The following SLC5A7 variants were observed in gnomAD, a reference collection of about 807,000 sequenced individuals.
SLC5A7 encodes the protein high affinity choline transporter 1.
SLC5A7 carries 19 observed loss-of-function variants against 55.4 expected under a neutral mutation model. The observed-to-expected ratio is 0.34, with a 90% confidence interval of 0.24 to 0.50. SLC5A7 has a LOEUF of 0.50. SLC5A7 is among the 20% of genes least tolerant of loss of function. The pLI is 0.98. For missense variants in SLC5A7, 506 were observed against 705.3 expected (o/e 0.72, Z 3.20); for synonymous variants, 265 against 263.7 (o/e 1.00, Z -0.05).
Position 108,012,596 on chromosome 2 carries a change from A to G in SLC5A7, c.*1735A>G, listed in dbSNP as rs1265055782. On this transcript the variant is annotated 3_prime_UTR_variant, in exon 9 of 9. Transcript: ENST00000264047. ...TCTCATATTTTCAGTGCTTTCTCAA[A>G]ATTTGATGGTGAATATTACATTGCA... The G allele has an allele frequency of 1.3e-5, 2 of 152,244 alleles. No homozygotes were observed. Among genetic ancestry groups the G allele is most frequent in the African/African-American group, 4.8e-5 (2 of 41,552 alleles). 9.4% of individuals were successfully genotyped at this position (152,244 alleles called of 1,614,324 possible).
At chr2:108,004,074 A>G (rs1283309024) in intron 6 of SLC5A7, among the ~76,000 whole-genome samples, 1 of 152,162 alleles carries the variant, frequency 6.6e-6, no homozygotes, top group Non-Finnish European at 1.5e-5. Flanking sequence ...CCCACCTCTG[A>G]ATAGTATCAT....
chr2:108,003,860 A>G (rs766370433), intron 6 of SLC5A7, among the ~76,000 whole-genome samples: 1 of 152,200 alleles, frequency 6.6e-6, no homozygotes, highest in Non-Finnish European at 1.5e-5. Context: ...AATTTTTATA[A>G]TTCTGGAGGC....
rs966525869 is a variant in SLC5A7, at chr2:108,006,154, G to T, written c.847G>T (p.Val283Leu). The T allele has an allele frequency of 6.2e-7, 1 of 1,613,968 alleles. No individual in the cohort carries two copies. The highest frequency in any genetic ancestry group is 2.2e-5 in the East Asian group (1 of 44,852). The stretch of plus-strand genomic sequence containing the variant: ...CTTCCTGGCAGCTTTCGGGTGCCTG[G>T]TGATGGCCATCCCAGCCATACTCAT... ...LSFLAAFGCL[V>L]MAIPAILIGA... Residue 283 changes from valine (V) to leucine (L), a missense_variant, in exon 7 of 9, where the codon GTG (valine) becomes TTG (leucine). Val to Leu is a conservative substitution (Grantham distance 32). Transcript: ENST00000264047.
chr2:107,992,851 T>A lies in SLC5A7; in HGVS notation c.293-121T>A, dbSNP rs77020121. The A allele has an allele frequency of 3.0e-3, 3,014 of 1,011,862 alleles. 25 individuals are homozygous for A. Among genetic ancestry groups the A allele is most frequent in the African/African-American group, 0.023 (1,398 of 61,544 alleles). The allele number at this position is 1,011,862 out of a possible 1,614,324, so 62.7% of individuals were successfully genotyped here. A position where few individuals can be genotyped will look rare whatever the true frequency, so the allele number is the denominator to read the frequency against. ...TAGTAGGTTGGTACTGTGTGCAGAC[T>A]TGTTCCTCAATCCATACAGGTGTTC... On this transcript the variant is annotated intron_variant, in intron 3 of 8. Coordinates refer to ENST00000264047, the MANE Select transcript of SLC5A7 (RefSeq NM_021815.5).
chr2:107,991,340 T>C (rs1211084620), intron 2 of SLC5A7, among the ~76,000 whole-genome samples: 4 of 152,212 alleles, frequency 2.6e-5, no homozygotes, highest in Non-Finnish European at 4.4e-5. Flanking sequence ...ATTGCAAGTA[T>C]GTATGCAGTT....
chr2:108,007,480 CTGTGTG>C (rs55917915), intron 7 of SLC5A7, among the ~76,000 whole-genome samples: 33 of 149,776 alleles, frequency 2.2e-4, no homozygotes, highest in Non-Finnish European at 3.7e-4. Context: ...GTGTGTGTGT[CTGTGTG>C]TGTGTGTGTG....
Position 107,988,149 on chromosome 2 carries a change from G to A in SLC5A7, c.-7G>A, listed in dbSNP as rs760361489. On this transcript the variant is annotated 5_prime_UTR_variant, in exon 2 of 9. Transcript: ENST00000264047. Reference sequence around the variant, plus strand: ...AGCTGCAGAAGAATCTGGATCATTAGATAAAAATGGCTTTCCATGTGGAAG... The same window carrying A: ...AGCTGCAGAAGAATCTGGATCATTAAATAAAAATGGCTTTCCATGTGGAAG... The A allele has an allele frequency of 1.2e-6, 2 of 1,611,040 alleles. No individual in the cohort carries two copies. The highest frequency in any genetic ancestry group is 1.7e-6 in the Non-Finnish European group (2 of 1,177,768).
chr2:107,988,077 T>A (rs1348936587), intron 1 of SLC5A7, 28 bp from the exon 2 acceptor site: 2 of 1,473,482 alleles, frequency 1.4e-6, no homozygotes, highest in Non-Finnish European at 1.9e-6. Context: ...CTTGACTGGT[T>A]TATAATGCAT....
chr2:107,993,864 C>T (rs1018478590), intron 4 of SLC5A7, among the ~76,000 whole-genome samples: 1 of 152,146 alleles, frequency 6.6e-6, no homozygotes, highest in Non-Finnish European at 1.5e-5. Flanking sequence ...ATGTAAGTCA[C>T]ACAGCAAAAC....
intron 4 of SLC5A7, among the ~76,000 whole-genome samples, chr2:107,994,451 C>G (rs760915047): frequency 1.3e-5 from 2 of 152,000 alleles, no homozygotes; most frequent in African/African-American, 4.8e-5. Context: ...GGCGTGGTGG[C>G]GGGCGCCTGT....
chr2:108,000,336 T>A (rs1251244927), intron 5 of SLC5A7, among the ~76,000 whole-genome samples: 1 of 152,194 alleles, frequency 6.6e-6, no homozygotes, highest in East Asian at 1.9e-4. Context: ...TGAATGGATA[T>A]CTTTCCCTTA....
At chr2:108,002,337 A>C (rs188223136) in intron 6 of SLC5A7, among the ~76,000 whole-genome samples, 1 of 152,132 alleles carries the variant, frequency 6.6e-6, no homozygotes, top group African/African-American at 2.4e-5. Flanking sequence ...ACTTTCCCCA[A>C]CCTGAAGGCA....
intron 6 of SLC5A7, among the ~76,000 whole-genome samples, chr2:108,005,500 T>C (rs1239462062): frequency 1.3e-5 from 2 of 152,242 alleles, no homozygotes; most frequent in African/African-American, 4.8e-5. Flanking sequence ...AATTGCTGTA[T>C]GTAATTATAG....
intron 5 of SLC5A7, among the ~76,000 whole-genome samples, chr2:108,000,458 T>C (rs893830167): frequency 6.6e-6 from 1 of 152,016 alleles, no homozygotes; most frequent in African/African-American, 2.4e-5. Flanking sequence ...TTTTATTTTA[T>C]TTTGTTTATT....
Position 108,010,278 on chromosome 2 carries a change from T to C in SLC5A7, c.1160T>C (p.Val387Ala). Residue 387 changes from valine to alanine, a missense_variant, in exon 9 of 9, where the codon GTG (valine) becomes GCG (alanine). Around this residue, in one of 4 missense-constraint regions of SLC5A7, gnomAD observed 309 missense variants for 478.6 expected, o/e 0.65. Transcript: ENST00000264047. ...IVWVMRITVF[V>A]FGASATAMAL... ...TGGGTTATGCGAATCACAGTGTTTG[T>C]GTTTGGAGCATCTGCAACAGCCATG... 1.2e-6 allele frequency: 2 copies of C among 1,613,952 alleles called. No individual in the cohort carries two copies. The highest frequency in any genetic ancestry group is 1.7e-6 in the Non-Finnish European group (2 of 1,179,912).
In SLC5A7 at chr2:108,013,591, G is replaced by A. The variant is rs1025631636; in HGVS notation, c.*2730G>A. 2.0e-5 allele frequency: 3 copies of A among 152,090 alleles called. No homozygotes were observed. Among genetic ancestry groups the A allele is most frequent in the African/African-American group, 4.8e-5 (2 of 41,436 alleles). 9.4% of individuals were successfully genotyped at this position (152,090 alleles called of 1,614,324 possible). On this transcript the variant is annotated 3_prime_UTR_variant, in exon 9 of 9. Transcript: ENST00000264047. ...TTACATGTTCTTCCAGCTTCAATCA[G>A]TAGACCTGATTTTCAAAATCTGCCC...
intron 5 of SLC5A7, among the ~76,000 whole-genome samples, chr2:108,001,500 C>T (rs972134200): frequency 6.6e-6 from 1 of 151,206 alleles, no homozygotes; most frequent in Non-Finnish European, 1.5e-5. Flanking sequence ...GGTGAAACCC[C>T]GTCTCTACTA....
At chr2:107,999,598 A>C (rs894896438) in intron 5 of SLC5A7, among the ~76,000 whole-genome samples, 1 of 152,218 alleles carries the variant, frequency 6.6e-6, no homozygotes, top group Non-Finnish European at 1.5e-5. Flanking sequence ...GGTTGAATAA[A>C]AGACTAAATA....
chr2:108,012,357 C>T lies in SLC5A7; in HGVS notation c.*1496C>T, dbSNP rs1410878306. ...AGTCTGAATTGTTGAAACTAAAGCA[C>T]TTCTTTTCCAAAAATACTTCTGCAA... On this transcript the variant is annotated 3_prime_UTR_variant, in exon 9 of 9. Transcript: ENST00000264047. 2.0e-5 allele frequency: 3 copies of T among 152,112 alleles called. No homozygotes were observed. The highest frequency in any genetic ancestry group is 7.2e-5 in the African/African-American group (3 of 41,440). The allele number at this position is 152,112 out of a possible 1,614,324, so 9.4% of individuals were successfully genotyped here.
Sources: allele counts gnomAD v4.1 joint callset (sites outside exome capture counted in the v4.1 genomes callset), GRCh38; gene constraint gnomAD v4.1.1; regional missense constraint gnomAD v4.1.1; transcripts MANE v1.5; gene names NCBI Gene and HGNC (gene_info 2026-07-23, HGNC 2026-07-21).